LDB2: variants seen among roughly 807,000 people sequenced by gnomAD.
The protein encoded by LDB2 is LIM domain-binding protein 2.
A neutral mutation model predicts 44.3 loss-of-function variants in LDB2; 12 were observed. The observed-to-expected ratio is 0.27, with a 90% confidence interval of 0.17 to 0.44. The LOEUF is 0.44. LDB2 is among the 20% of genes least tolerant of loss of function. LDB2 has a pLI of 1.00. For missense variants in LDB2, 344 were observed against 473.5 expected (o/e 0.73, Z 2.54); for synonymous variants, 164 against 174.8 (o/e 0.94, Z 0.49).
chr4:16,645,122 A>G (rs62296945), intron 2 of LDB2, among the ~76,000 whole-genome samples: 33,775 of 152,256 alleles, frequency 0.22, 4,616 homozygotes, highest in Non-Finnish European at 0.29. Context: ...GTGCATTGAT[A>G]GCTATGACAC....
chr4:16,824,763 C>T (rs1207385011), intron 1 of LDB2, among the ~76,000 whole-genome samples: 1 of 152,204 alleles, frequency 6.6e-6, no homozygotes, highest in East Asian at 1.9e-4. Flanking sequence ...GGGTGTTCAC[C>T]CATGCTTTTA....
chr4:16,728,598 G>A (rs571665159), intron 2 of LDB2, among the ~76,000 whole-genome samples: 18 of 152,266 alleles, frequency 1.2e-4, no homozygotes, highest in African/African-American at 3.1e-4. Flanking sequence ...TTATCACATG[G>A]CACAGAAACT....
intron 1 of LDB2, among the ~76,000 whole-genome samples, chr4:16,800,849 G>C (rs926086493): frequency 2.0e-5 from 3 of 152,126 alleles, no homozygotes; most frequent in Admixed American, 6.5e-5. Flanking sequence ...CTAACTTTTT[G>C]TATTTTTACT....
chr4:16,765,820 T>A lies in LDB2; in HGVS notation c.133-6560A>T, dbSNP rs575672606. On this transcript the variant is annotated intron_variant, in intron 1 of 7. Coordinates refer to ENST00000304523, the MANE Select transcript of LDB2 (RefSeq NM_001290.5). The stretch of plus-strand genomic sequence containing the variant: ...TAATGGAATGCCCCAGGCATGCATG[T>A]CAGGAGTTCATATGGAGGCAGAAAT... Among the ~76,000 whole-genome samples the A allele has an allele frequency of 7.2e-5, 11 of 152,332 alleles. No homozygotes were observed. The East Asian group carries it at 1.9e-3, about 27-fold the overall frequency.
intron 1 of LDB2, among the ~76,000 whole-genome samples, chr4:16,777,241 C>T (rs73241047): frequency 0.012 from 1,841 of 152,146 alleles, 15 homozygotes; most frequent in Non-Finnish European, 0.021. Context: ...GGATGAATGA[C>T]GTGAGGGTGG....
At chr4:16,805,441 C>A (rs1778596772) in intron 1 of LDB2, among the ~76,000 whole-genome samples, 1 of 152,222 alleles carries the variant, frequency 6.6e-6, no homozygotes, top group South Asian at 2.1e-4. Flanking sequence ...ACAGCACACA[C>A]ATCCACTTTA....
At chr4:16,643,394 TCA>T (rs1388491509) in intron 2 of LDB2, among the ~76,000 whole-genome samples, 5 of 152,190 alleles carry the variant, frequency 3.3e-5, no homozygotes, top group African/African-American at 1.2e-4. Flanking sequence ...AGTTCTTTTC[TCA>T]CAGACAGGTA....
At chr4:16,683,123 G>C (rs1748367557) in intron 2 of LDB2, among the ~76,000 whole-genome samples, 1 of 152,034 alleles carries the variant, frequency 6.6e-6, no homozygotes, top group Non-Finnish European at 1.5e-5. Context: ...AATGTTTATG[G>C]AGTACCGCAC....
intron 2 of LDB2, among the ~76,000 whole-genome samples, chr4:16,665,959 C>T (rs559374803): frequency 2.0e-5 from 3 of 152,206 alleles, no homozygotes; most frequent in Admixed American, 2.0e-4. Flanking sequence ...TTGAAGATTG[C>T]CTACAATACA....
intron 1 of LDB2, among the ~76,000 whole-genome samples, chr4:16,831,174 C>CTTTTTTTTTTTTTTTTTT (rs370309653): frequency 3.2e-5 from 4 of 126,750 alleles, no homozygotes; most frequent in Non-Finnish European, 3.2e-5. Flanking sequence ...CCTCTCTGAG[C>CTTTTTTTTTTTTTTTTTT]TTTTTTTTTT....
chr4:16,878,778 G>A (rs2110411012), intron 1 of LDB2, among the ~76,000 whole-genome samples: 1 of 152,250 alleles, frequency 6.6e-6, no homozygotes. Context: ...CTTTTAAAAT[G>A]CCATCTTGGC....
intron 5 of LDB2, among the ~76,000 whole-genome samples, chr4:16,561,059 G>A (rs541068988): frequency 6.6e-6 from 1 of 152,162 alleles, no homozygotes; most frequent in South Asian, 2.1e-4. Flanking sequence ...GTATTGATGG[G>A]ACATATCTCA....
At chr4:16,666,863 GT>G (rs1178885278) in intron 2 of LDB2, among the ~76,000 whole-genome samples, 1 of 152,084 alleles carries the variant, frequency 6.6e-6, no homozygotes, top group Admixed American at 6.6e-5. Context: ...ACTTCATTGT[GT>G]TTTTTTAAAA....
At chr4:16,663,701 G>A (rs73130992) in intron 2 of LDB2, among the ~76,000 whole-genome samples, 328 of 152,238 alleles carry the variant, frequency 2.2e-3, no homozygotes, top group African/African-American at 7.0e-3. Flanking sequence ...ATATCTATTC[G>A]TAATCTAAGA....
At chr4:16,862,683 C>T (rs1713099689) in intron 1 of LDB2, among the ~76,000 whole-genome samples, 1 of 148,622 alleles carries the variant, frequency 6.7e-6, no homozygotes, top group Non-Finnish European at 1.5e-5. Flanking sequence ...CTGGCTCTGG[C>T]CCTTGGTGAA....
intron 2 of LDB2, among the ~76,000 whole-genome samples, chr4:16,700,214 A>C (rs138155750): frequency 3.4e-4 from 52 of 152,294 alleles, no homozygotes; most frequent in East Asian, 7.7e-4. Flanking sequence ...ACCTGTAATA[A>C]TTAGTAGTGT....
chr4:16,855,794 T>A (rs1363228049), intron 1 of LDB2, among the ~76,000 whole-genome samples: 1 of 152,178 alleles, frequency 6.6e-6, no homozygotes, highest in Non-Finnish European at 1.5e-5. Flanking sequence ...GTGTCAAATT[T>A]GGAAGATACG....
rs147677645 is a variant in LDB2 at position 16,759,258 on chromosome 4, A to G, written c.135T>C (p.Asp45=). The G allele has an allele frequency of 3.2e-4, 505 of 1,599,408 alleles. No individual in the cohort carries two copies. Among genetic ancestry groups the G allele is most frequent in the Non-Finnish European group, 4.0e-4 (472 of 1,166,540 alleles). The change falls in exon 2 of 8, where the codon GAT becomes GAC. Residue 45 remains aspartate (D), a splice_region_variant and synonymous_variant. Transcript: ENST00000304523. ...AGGCGTCCCACCAGAGGTTGTCACTATCCTGCAAAGAGACAGATCATTTAT... is the reference window on the plus strand; with the variant it reads ...AGGCGTCCCACCAGAGGTTGTCACTGTCCTGCAAAGAGACAGATCATTTAT... ...MNKRLQSRTE[D]SDNLWWDAFA...
intron 5 of LDB2, among the ~76,000 whole-genome samples, chr4:16,581,999 AGG>A (rs113559298): frequency 1.7e-5 from 1 of 58,032 alleles, no homozygotes; most frequent in Non-Finnish European, 4.6e-5. Flanking sequence ...AAGGGAAGGA[AGG>A]GAAGGAAGGA....
Sources: gnomAD v4.1 joint callset for allele counts (sites outside exome capture counted in the v4.1 genomes callset) on GRCh38, gnomAD v4.1.1 for gene constraint, MANE v1.5 for transcripts, NCBI Gene and HGNC (gene_info 2026-07-23, HGNC 2026-07-21) for gene names.